Variants in MCEMP1 observed in about 807,000 individuals in gnomAD.
MCEMP1 encodes mast cell expressed membrane protein 1.
Under a neutral mutation model 27.9 loss-of-function variants are expected in MCEMP1, and 17 were observed. The observed-to-expected ratio is 0.61, with a 90% CI of 0.42 to 0.91. MCEMP1 has a LOEUF of 0.91. Among genes scored for constraint, MCEMP1 ranks in the 40% least tolerant of loss-of-function variants. The probability of loss-of-function intolerance (pLI) is 0.00; values close to 1 mark genes in which losing one functional copy is unlikely to be tolerated. For missense variants in MCEMP1, 200 were observed against 204.8 expected (o/e 0.98, Z 0.14); for synonymous variants, 88 against 76.9 (o/e 1.14, Z -0.76).
Position 7,678,684 on chromosome 19 carries a change from G to A in MCEMP1, c.448+80G>A, listed in dbSNP as rs1160200895. On this transcript the variant is annotated intron_variant, in intron 5 of 6. Transcript: ENST00000333598. This position sits in a 1 kb window ranked among gnomAD's most constrained non-coding sequence, Gnocchi z 4.8. ...TGAGCTGGGGGCAGGGGATTCAGGG[G>A]AGGAGAAAGCCGGGGTCCTACCCTC... 2.1e-6 allele frequency: 3 copies of A among 1,405,852 alleles called. No individual in the cohort carries two copies. The highest frequency in any genetic ancestry group is 3.8e-5 in the Admixed American group (2 of 53,244). The allele number at this position is 1,405,852 out of a possible 1,614,324, so 87.1% of individuals were successfully genotyped here. A position where few individuals can be genotyped will look rare whatever the true frequency, so the allele number is the denominator to read the frequency against.
At position 7,677,824 on chromosome 19, in the gene MCEMP1, C is replaced by T. The variant is rs570207258; in HGVS notation, c.145+98C>T. 2.6e-4 allele frequency: 316 copies of T among 1,236,866 alleles called. No homozygotes were observed. Among genetic ancestry groups the T allele is most frequent in the Non-Finnish European group, 3.1e-4 (278 of 887,324 alleles). The allele number at this position is 1,236,866 out of a possible 1,614,324, so 76.6% of individuals were successfully genotyped here. On this transcript the variant is annotated intron_variant, in intron 2 of 6. Transcript: ENST00000333598. This position sits in a 1 kb window ranked among gnomAD's most constrained non-coding sequence, Gnocchi z 4.6. ...CCGGGGCTGCGTGGAAGGGAGGAAG[C>T]GATGGGGAAGGAAGAGGTGACAGCT...
chr19:7,678,093 C>T lies in MCEMP1; in HGVS notation c.146-11C>T, dbSNP rs764737708. 1 of 1,583,704 alleles carries T rather than the reference C, an allele frequency of 6.3e-7. No individual in the cohort carries two copies. ...GCCCCTCAAGGTCACTTTGCTGCCT[C>T]TTTGCTCCAGTCCCAGCCCAGTGCA... On this transcript the variant is annotated splice_polypyrimidine_tract_variant and intron_variant, in intron 2 of 6. Coordinates refer to ENST00000333598, the MANE Select transcript of MCEMP1 (RefSeq NM_174918.3). This position sits in a 1 kb window ranked among gnomAD's most constrained non-coding sequence, Gnocchi z 4.8.
At position 7,677,463 on chromosome 19, in the gene MCEMP1, T is replaced by C. The variant is rs2032565855; in HGVS notation, c.56-174T>C. ...TGTGTGTGTGGATGTGTGTGTGGTG[T>C]GATCACTCAAACTCTCACACACCCG... On this transcript the variant is annotated intron_variant, in intron 1 of 6. Coordinates refer to ENST00000333598, the MANE Select transcript of MCEMP1 (RefSeq NM_174918.3). The surrounding 1 kb of genome is among the most constrained non-coding windows in gnomAD (Gnocchi z 4.6). 6.6e-6 allele frequency among the ~76,000 whole-genome samples: 1 copy of C among 151,832 alleles called. No homozygotes were observed.
At position 7,679,240 on chromosome 19, in the gene MCEMP1, A is replaced by C. The variant is rs908350595; in HGVS notation, c.*126A>C. ...CCTGCCCCTCGTCCCACGTATAGAA[A>C]AACCTCGAGTCATGGTGAATGAGTG... On this transcript the variant is annotated 3_prime_UTR_variant, in exon 7 of 7. Coordinates refer to ENST00000333598, the MANE Select transcript of MCEMP1 (RefSeq NM_174918.3). The surrounding 1 kb of genome is among the most constrained non-coding windows in gnomAD (Gnocchi z 4.9). 6 of 1,177,794 alleles carry C rather than the reference A, an allele frequency of 5.1e-6. No homozygotes were observed. In the African/African-American group the frequency reaches 7.8e-5, roughly 15 times the overall value. 73.0% of individuals were successfully genotyped at this position (1,177,794 alleles called of 1,614,324 possible).
chr19:7,679,328 T>G lies in MCEMP1; in HGVS notation c.*214T>G. On this transcript the variant is annotated 3_prime_UTR_variant, in exon 7 of 7. Coordinates refer to ENST00000333598, the MANE Select transcript of MCEMP1 (RefSeq NM_174918.3). The surrounding 1 kb of genome is among the most constrained non-coding windows in gnomAD (Gnocchi z 4.9). Reference sequence around the variant, plus strand: ...TGTGTGTGCGTGTGTGCGCGTGTGTTCGTGTATGTGCGTGTGTGCGTGCGC... The same window carrying G: ...TGTGTGTGCGTGTGTGCGCGTGTGTGCGTGTATGTGCGTGTGTGCGTGCGC... 3 of 613,522 alleles carry G rather than the reference T, an allele frequency of 4.9e-6. No individual in the cohort carries two copies. The highest frequency in any genetic ancestry group is 2.9e-5 in the East Asian group (1 of 34,984). 38.0% of individuals were successfully genotyped at this position (613,522 alleles called of 1,614,324 possible).
rs2146254884 is a variant in MCEMP1 at position 7,678,534 on chromosome 19, C to T, written c.378C>T (p.Gly126=). ...VQACEERQKR[G]WDSVQQSITM... is the part of the protein sequence containing the mutation. Reference sequence around the variant, plus strand: ...CATGCGAAGAGAGACAGAAGAGAGGCTGGGATTCCGTTCAGCAGAGCATCA... The same window carrying T: ...CATGCGAAGAGAGACAGAAGAGAGGTTGGGATTCCGTTCAGCAGAGCATCA... The change falls in exon 5 of 7, where the codon GGC becomes GGT. Residue 126 remains glycine, a synonymous_variant. Transcript: ENST00000333598. This position sits in a 1 kb window ranked among gnomAD's most constrained non-coding sequence, Gnocchi z 4.8. The T allele has an allele frequency of 1.2e-6, 2 of 1,614,104 alleles. No individual in the cohort carries two copies. The highest frequency in any genetic ancestry group is 2.2e-5 in the East Asian group (1 of 44,880).
At position 7,678,433 on chromosome 19, in the gene MCEMP1, T is replaced by A. The variant is rs755194931; in HGVS notation, c.334+33T>A. On this transcript the variant is annotated intron_variant, in intron 4 of 6. Transcript: ENST00000333598. The surrounding 1 kb of genome is among the most constrained non-coding windows in gnomAD (Gnocchi z 4.8). Reference sequence around the variant, plus strand: ...GAGGGTCTGAGGGAGACCCGTGGGGTCATGGTGGGGGTCTGGAGAGGGATG... The same window carrying A: ...GAGGGTCTGAGGGAGACCCGTGGGGACATGGTGGGGGTCTGGAGAGGGATG... 1 of 1,613,572 alleles carries A rather than the reference T, an allele frequency of 6.2e-7. No homozygotes were observed. Among genetic ancestry groups the A allele is most frequent in the Admixed American group, 1.7e-5 (1 of 59,952 alleles).
Position 7,678,029 on chromosome 19 carries a change from G to C in MCEMP1, c.146-75G>C, listed in dbSNP as rs939432743. On this transcript the variant is annotated intron_variant, in intron 2 of 6. Coordinates refer to ENST00000333598, the MANE Select transcript of MCEMP1 (RefSeq NM_174918.3). The surrounding 1 kb of genome is among the most constrained non-coding windows in gnomAD (Gnocchi z 4.8). ...TTTTGAGAGGAGCGAGGTGTCCATG[G>C]TGTTAGAGACAGTGAGGATGGTTTG... 174 of 1,518,844 alleles carry C rather than the reference G, an allele frequency of 1.1e-4. No homozygotes were observed. The highest frequency in any genetic ancestry group is 1.4e-4 in the Non-Finnish European group (159 of 1,134,964). 94.1% of individuals were successfully genotyped at this position (1,518,844 alleles called of 1,614,324 possible). A position where few individuals can be genotyped will look rare whatever the true frequency, so the allele number is the denominator to read the frequency against.
At position 7,678,630 on chromosome 19, in the gene MCEMP1, G is replaced by T; in HGVS notation, c.448+26G>T. 2 of 1,585,784 alleles carry T rather than the reference G, an allele frequency of 1.3e-6. No homozygotes were observed. Among genetic ancestry groups the T allele is most frequent in the Non-Finnish European group, 1.7e-6 (2 of 1,157,830 alleles). On this transcript the variant is annotated intron_variant, in intron 5 of 6. Transcript: ENST00000333598. The surrounding 1 kb of genome is among the most constrained non-coding windows in gnomAD (Gnocchi z 4.8). Reference sequence around the variant, plus strand: ...GTGCCTGTGTAGTCTCGCCTTCTATGGGGGTTATTTGTCACCAATGCCCGG... The same window carrying T: ...GTGCCTGTGTAGTCTCGCCTTCTATTGGGGTTATTTGTCACCAATGCCCGG...
chr19:7,678,897 T>TGCCCCCCCCC lies in MCEMP1; in HGVS notation c.449-27_449-26insGCCCCCCCCC. On this transcript the variant is annotated intron_variant, in intron 5 of 6. Transcript: ENST00000333598. The surrounding 1 kb of genome is among the most constrained non-coding windows in gnomAD (Gnocchi z 4.8). ...CTCCACCGCAGCTTGACTTATCTGT[T>TGCCCCCCCCC]CCCACCCAACCCTCCCCGCCCCCTA... The TGCCCCCCCCC allele has an allele frequency of 1.0e-6, 1 of 993,960 alleles. No individual in the cohort carries two copies. The highest frequency in any genetic ancestry group is 1.6e-6 in the Non-Finnish European group (1 of 644,790). 61.6% of individuals were successfully genotyped at this position (993,960 alleles called of 1,614,324 possible).
chr19:7,677,775 G>T lies in MCEMP1; in HGVS notation c.145+49G>T. 6.7e-7 allele frequency: 1 copy of T among 1,502,182 alleles called. No individual in the cohort carries two copies. Among genetic ancestry groups the T allele is most frequent in the South Asian group, 1.3e-5 (1 of 77,150 alleles). 93.1% of individuals were successfully genotyped at this position (1,502,182 alleles called of 1,614,324 possible). A position where few individuals can be genotyped will look rare whatever the true frequency, so the allele number is the denominator to read the frequency against. ...CATCCCATCACCTTGGGAAGGGGCA[G>T]GTGGGCGGGCAACTGCAGGGCCCCC... On this transcript the variant is annotated intron_variant, in intron 2 of 6. Transcript: ENST00000333598. The surrounding 1 kb of genome is among the most constrained non-coding windows in gnomAD (Gnocchi z 4.6).
chr19:7,678,395 G>A lies in MCEMP1; in HGVS notation c.329G>A (p.Trp110Ter), dbSNP rs2032576929. The A allele has an allele frequency of 6.2e-7, 1 of 1,613,972 alleles. No individual in the cohort carries two copies. ...CTGCTGGGCTTTAAAAGGGAGCTTT[G>A]GAATGGTGAGCGGAGGGTCTGAGGG... ...KELLGFKREL[W>*]NVSNSVQACE... Residue 110 changes from tryptophan (W) to a stop codon, truncating the protein, a stop_gained, in exon 4 of 7, where the codon TGG becomes TAG. Coordinates refer to ENST00000333598, the MANE Select transcript of MCEMP1 (RefSeq NM_174918.3). LOFTEE classifies it high-confidence loss of function. The surrounding 1 kb of genome is among the most constrained non-coding windows in gnomAD (Gnocchi z 4.8).
Position 7,678,066 on chromosome 19 carries a change from T to C in MCEMP1, c.146-38T>C. 1.9e-6 allele frequency: 3 copies of C among 1,555,904 alleles called. No homozygotes were observed. The highest frequency in any genetic ancestry group is 2.6e-6 in the Non-Finnish European group (3 of 1,154,150). ...GTGAGGATGGTTTGAGTGGTGGTGC[T>C]GGCCCCTCAAGGTCACTTTGCTGCC... On this transcript the variant is annotated intron_variant, in intron 2 of 6. Coordinates refer to ENST00000333598, the MANE Select transcript of MCEMP1 (RefSeq NM_174918.3). This position sits in a 1 kb window ranked among gnomAD's most constrained non-coding sequence, Gnocchi z 4.8.
chr19:7,679,309 T>TGCGTGTGTGC lies in MCEMP1; in HGVS notation c.*204_*213dup. On this transcript the variant is annotated 3_prime_UTR_variant, in exon 7 of 7. Coordinates refer to ENST00000333598, the MANE Select transcript of MCEMP1 (RefSeq NM_174918.3). The surrounding 1 kb of genome is among the most constrained non-coding windows in gnomAD (Gnocchi z 4.9). The stretch of plus-strand genomic sequence containing the variant: ...GTGTGTACACCTGCGTGCGTGTGTG[T>TGCGTGTGTGC]GCGTGTGTGCGCGTGTGTTCGTGTA... 1.5e-6 allele frequency: 1 copy of TGCGTGTGTGC among 668,526 alleles called. No homozygotes were observed. Among genetic ancestry groups the TGCGTGTGTGC allele is most frequent in the South Asian group, 2.0e-5 (1 of 49,404 alleles). 41.4% of individuals were successfully genotyped at this position (668,526 alleles called of 1,614,324 possible). A position where few individuals can be genotyped will look rare whatever the true frequency, so the allele number is the denominator to read the frequency against.
Position 7,678,628 on chromosome 19 carries a change from A to G in MCEMP1, c.448+24A>G, listed in dbSNP as rs926557981. ...AGGTGCCTGTGTAGTCTCGCCTTCTATGGGGGTTATTTGTCACCAATGCCC... is the reference window on the plus strand; with the variant it reads ...AGGTGCCTGTGTAGTCTCGCCTTCTGTGGGGGTTATTTGTCACCAATGCCC... On this transcript the variant is annotated intron_variant, in intron 5 of 6. Coordinates refer to ENST00000333598, the MANE Select transcript of MCEMP1 (RefSeq NM_174918.3). This position sits in a 1 kb window ranked among gnomAD's most constrained non-coding sequence, Gnocchi z 4.8. 7.6e-6 allele frequency: 12 copies of G among 1,579,576 alleles called. No homozygotes were observed. The highest frequency in any genetic ancestry group is 1.7e-5 in the Admixed American group (1 of 58,630).
Position 7,677,859 on chromosome 19 carries a change from C to A in MCEMP1, c.145+133C>A. The A allele has an allele frequency of 1.9e-6, 2 of 1,034,286 alleles. No homozygotes were observed. The highest frequency in any genetic ancestry group is 1.4e-6 in the Non-Finnish European group (1 of 700,650). The allele number at this position is 1,034,286 out of a possible 1,614,324, so 64.1% of individuals were successfully genotyped here. On this transcript the variant is annotated intron_variant, in intron 2 of 6. Transcript: ENST00000333598. This position sits in a 1 kb window ranked among gnomAD's most constrained non-coding sequence, Gnocchi z 4.6. ...GGAAGAGGTGACAGCTGTTGACGTG[C>A]TAATGAGGTCTGTTGATGATGACAA...
chr19:7,677,333 T>C lies in MCEMP1; in HGVS notation c.55+158T>C, dbSNP rs952393036. Among the ~76,000 whole-genome samples, 3 of 149,314 alleles carry C rather than the reference T, an allele frequency of 2.0e-5. No homozygotes were observed. The highest frequency in any genetic ancestry group is 4.2e-4 in the South Asian group (2 of 4,708). ...ACTGGCCTGGGCAACATAGGGAGAC[T>C]CTGTCTGTAAAAAATAAAAATAAAA... On this transcript the variant is annotated intron_variant, in intron 1 of 6. Transcript: ENST00000333598. This position sits in a 1 kb window ranked among gnomAD's most constrained non-coding sequence, Gnocchi z 4.6.
Position 7,677,585 on chromosome 19 carries a change from G to C in MCEMP1, c.56-52G>C, listed in dbSNP as rs370826234. 6.6e-7 allele frequency: 1 copy of C among 1,506,622 alleles called. No homozygotes were observed. The highest frequency in any genetic ancestry group is 1.7e-5 in the Admixed American group (1 of 59,790). The allele number at this position is 1,506,622 out of a possible 1,614,324, so 93.3% of individuals were successfully genotyped here. A position where few individuals can be genotyped will look rare whatever the true frequency, so the allele number is the denominator to read the frequency against. Reference sequence around the variant, plus strand: ...AAAGGGTTGGGTAAAACAAGATCCCGGATCCACTCTCCACACCACAGAGCT... The same window carrying C: ...AAAGGGTTGGGTAAAACAAGATCCCCGATCCACTCTCCACACCACAGAGCT... On this transcript the variant is annotated intron_variant, in intron 1 of 6. Transcript: ENST00000333598. The surrounding 1 kb of genome is among the most constrained non-coding windows in gnomAD (Gnocchi z 4.6).
rs10401670 is a variant in MCEMP1, at chr19:7,677,916, T to G, written c.146-188T>G. 7 of 1,064,466 alleles carry G rather than the reference T, an allele frequency of 6.6e-6. No homozygotes were observed. Among genetic ancestry groups the G allele is most frequent in the Non-Finnish European group, 9.6e-6 (7 of 728,616 alleles). 65.9% of individuals were successfully genotyped at this position (1,064,466 alleles called of 1,614,324 possible). On this transcript the variant is annotated intron_variant, in intron 2 of 6. Transcript: ENST00000333598. This position sits in a 1 kb window ranked among gnomAD's most constrained non-coding sequence, Gnocchi z 4.6. ...GGAATGCTGGAGAGGGGGTCTGTGA[T>G]GGTGACGGTGTTAGATCGCTGAGGG...
Sources: gnomAD v4.1 joint callset for allele counts (sites outside exome capture counted in the v4.1 genomes callset) on GRCh38, gnomAD v4.1.1 for gene constraint, Gnocchi (gnomAD v3.1) non-coding constraint, MANE v1.5 for transcripts, NCBI Gene and HGNC (gene_info 2026-07-23, HGNC 2026-07-21) for gene names.